The following PLPP4 variants were observed in gnomAD, a reference collection of about 807,000 sequenced individuals.
PLPP4 encodes the protein diacylglycerol pyrophosphate like 2.
In PLPP4, 20 loss-of-function variants were observed where a neutral mutation model predicts 32.2. The ratio of observed to expected loss-of-function variants is 0.62; its 90% CI spans 0.44 to 0.90. PLPP4 has a LOEUF of 0.90. Among genes scored for constraint, PLPP4 ranks in the 40% least tolerant of loss-of-function variants. The probability of loss-of-function intolerance (pLI) is 0.00; values close to 1 mark genes in which losing one functional copy is unlikely to be tolerated. For missense variants in PLPP4, 257 were observed against 353.1 expected, an observed-to-expected ratio of 0.73 and a Z score of 2.18; for synonymous variants, 127 against 133.0, an observed-to-expected ratio of 0.95 and a Z score of 0.31.
chr10:120,481,499 T>C (rs951812354), intron 1 of PLPP4, among the ~76,000 whole-genome samples: 1 of 152,138 alleles, frequency 6.6e-6, no homozygotes, highest in Non-Finnish European at 1.5e-5. Context: ...GATTTTTAAA[T>C]TGGAAGTGGA....
chr10:120,503,544 C>T (rs199582338), intron 1 of PLPP4: 8 of 1,601,112 alleles, frequency 5.0e-6, no homozygotes, highest in Admixed American at 1.7e-5. Context: ...AACCCCAAGT[C>T]CTTGGAGTCT....
chr10:120,559,783 A>G (rs1848333796), intron 5 of PLPP4, among the ~76,000 whole-genome samples: 1 of 152,254 alleles, frequency 6.6e-6, no homozygotes, highest in African/African-American at 2.4e-5. Context: ...TGTATCATTT[A>G]CTATCATAAA....
chr10:120,527,001 G>C (rs910788226), intron 5 of PLPP4, among the ~76,000 whole-genome samples: 4 of 152,234 alleles, frequency 2.6e-5, no homozygotes, highest in South Asian at 2.1e-4. Flanking sequence ...GTGGTGTTCA[G>C]GTGCTCCGAG....
intron 5 of PLPP4, among the ~76,000 whole-genome samples, chr10:120,531,863 CT>C (rs1846743153): frequency 8.1e-6 from 1 of 123,264 alleles, no homozygotes; most frequent in Non-Finnish European, 1.7e-5. Flanking sequence ...TGTACACACA[CT>C]ACACACACTA....
At chr10:120,477,072 A>G (rs549939160) in intron 1 of PLPP4, among the ~76,000 whole-genome samples, 13 of 152,264 alleles carry the variant, frequency 8.5e-5, no homozygotes, top group African/African-American at 3.1e-4. Flanking sequence ...ATGTCAGCAG[A>G]CTTGTTGGAA....
chr10:120,531,557 T>C (rs979458711), intron 5 of PLPP4, among the ~76,000 whole-genome samples: 1 of 152,202 alleles, frequency 6.6e-6, no homozygotes, highest in African/African-American at 2.4e-5. Flanking sequence ...CCATATGTTT[T>C]CTTTAAAACA....
At chr10:120,484,713 C>T (rs530085751) in intron 1 of PLPP4, among the ~76,000 whole-genome samples, 7 of 152,258 alleles carry the variant, frequency 4.6e-5, no homozygotes, top group South Asian at 2.1e-4. Flanking sequence ...GGGACACATT[C>T]GAACCATAAA....
At chr10:120,540,794 C>A (rs1435357238) in intron 5 of PLPP4, among the ~76,000 whole-genome samples, 1 of 152,186 alleles carries the variant, frequency 6.6e-6, no homozygotes, top group Admixed American at 6.5e-5. Flanking sequence ...ATAGAGAAAT[C>A]TGGGACAATT....
intron 5 of PLPP4, among the ~76,000 whole-genome samples, chr10:120,543,507 AAC>A (rs1044012882): frequency 1.3e-5 from 2 of 152,122 alleles, no homozygotes; most frequent in African/African-American, 4.8e-5. Flanking sequence ...TTAAAAAAAA[AAC>A]ACACTCAGCT....
chr10:120,527,257 G>A (rs1027825792), intron 5 of PLPP4, among the ~76,000 whole-genome samples: 3 of 152,102 alleles, frequency 2.0e-5, no homozygotes, highest in African/African-American at 7.2e-5. Flanking sequence ...TGGAAATTCA[G>A]GTAAGAATTG....
intron 5 of PLPP4, among the ~76,000 whole-genome samples, chr10:120,567,812 A>G (rs1359604041): frequency 6.6e-6 from 1 of 152,238 alleles, no homozygotes; most frequent in Non-Finnish European, 1.5e-5. Flanking sequence ...CACAGTTCTC[A>G]TATAAACATA....
At chr10:120,548,191 G>A (rs1564832312) in intron 5 of PLPP4, among the ~76,000 whole-genome samples, 4 of 152,060 alleles carry the variant, frequency 2.6e-5, no homozygotes, top group Admixed American at 2.0e-4. Context: ...AATAAGCATA[G>A]TACTCAATAG....
chr10:120,573,638 T>G lies in PLPP4; in HGVS notation c.446-1493T>G, dbSNP rs1482344145. Among the ~76,000 whole-genome samples the G allele has an allele frequency of 2.6e-5, 4 of 152,366 alleles. No homozygotes were observed. In the East Asian group the frequency reaches 5.8e-4, roughly 22 times the overall value. On this transcript the variant is annotated intron_variant, in intron 5 of 6. Transcript: ENST00000398250. ...ACTGATCATTTTCAGTTTTTCAATA[T>G]TTATCAATAACTTTGAGCAGAAAAT...
intron 1 of PLPP4, among the ~76,000 whole-genome samples, chr10:120,491,368 C>T (rs1589756115): frequency 6.6e-6 from 1 of 152,198 alleles, no homozygotes; most frequent in Non-Finnish European, 1.5e-5. Context: ...GGAGAGGGCT[C>T]CTCAGTGCCC....
chr10:120,460,634 A>G (rs1847999641), intron 1 of PLPP4, among the ~76,000 whole-genome samples: 1 of 152,154 alleles, frequency 6.6e-6, no homozygotes, highest in African/African-American at 2.4e-5. Flanking sequence ...AAATTAAGGA[A>G]CTTCCCAAGT....
intron 5 of PLPP4, among the ~76,000 whole-genome samples, chr10:120,572,776 A>G (rs1161649969): frequency 6.6e-6 from 1 of 152,230 alleles, no homozygotes; most frequent in East Asian, 1.9e-4. Flanking sequence ...GTAAATGAAT[A>G]GAAGGAACAG....
At chr10:120,460,817 G>A (rs767586242) in intron 1 of PLPP4, among the ~76,000 whole-genome samples, 7 of 152,128 alleles carry the variant, frequency 4.6e-5, no homozygotes, top group Non-Finnish European at 1.5e-5. Flanking sequence ...CATCTCACTG[G>A]ATTCTGTTCA....
intron 5 of PLPP4, among the ~76,000 whole-genome samples, chr10:120,530,211 A>T (rs922281874): frequency 1.3e-5 from 2 of 152,206 alleles, no homozygotes; most frequent in African/African-American, 4.8e-5. Flanking sequence ...AAATGGACAT[A>T]CTGTATAACC....
In PLPP4 at chr10:120,572,019, C is replaced by T. The variant is rs886557942; in HGVS notation, c.446-3112C>T. ...AAAAAAATATTCAAAGGCCCAGTAGCGTGTGGGCAGGAAGACTGGCTGCTG... is the reference window on the plus strand; with the variant it reads ...AAAAAAATATTCAAAGGCCCAGTAGTGTGTGGGCAGGAAGACTGGCTGCTG... On this transcript the variant is annotated intron_variant, in intron 5 of 6. Coordinates refer to ENST00000398250, the MANE Select transcript of PLPP4 (RefSeq NM_001030059.3). Among the ~76,000 whole-genome samples, 5 of 152,146 alleles carry T rather than the reference C, an allele frequency of 3.3e-5. No individual in the cohort carries two copies. In the South Asian group the frequency reaches 8.3e-4, roughly 25 times the overall value.
Sources: allele counts gnomAD v4.1 joint callset (sites outside exome capture counted in the v4.1 genomes callset), GRCh38; gene constraint gnomAD v4.1.1; transcripts MANE v1.5; gene names NCBI Gene and HGNC (gene_info 2026-07-23, HGNC 2026-07-21).